Variants in ERC2 observed in about 807,000 individuals in gnomAD.
The protein encoded by ERC2 is ELKS/RAB6-interacting/CAST family member 2, also known as ERC protein 2.
A neutral mutation model predicts 114.8 loss-of-function variants in ERC2; 42 were observed. That is an observed-to-expected ratio of 0.37 (90% CI 0.29 to 0.47). ERC2 has a LOEUF of 0.47. Among genes scored for constraint, ERC2 ranks in the 20% least tolerant of loss-of-function variants. ERC2 has a pLI of 0.99. For missense variants in ERC2, 939 were observed against 1,150.7 expected, an observed-to-expected ratio of 0.82 and a Z score of 2.66; for synonymous variants, 454 against 425.5, an observed-to-expected ratio of 1.07 and a Z score of -0.82.
chr3:55,652,315 A>T (rs1405266673), intron 17 of ERC2, among the ~76,000 whole-genome samples: 3 of 152,192 alleles, frequency 2.0e-5, no homozygotes, highest in Admixed American at 1.3e-4. Context: ...TTAGTTGACT[A>T]TTGACTTTTG....
intron 14 of ERC2, among the ~76,000 whole-genome samples, chr3:55,833,039 A>G (rs1002288032): frequency 1.2e-4 from 18 of 146,692 alleles, no homozygotes; most frequent in African/African-American, 3.8e-4. Flanking sequence ...GAAATGAAGC[A>G]AGAAGGGAAG....
At chr3:56,431,973 C>T (rs1448893124) in intron 2 of ERC2, among the ~76,000 whole-genome samples, 1 of 152,172 alleles carries the variant, frequency 6.6e-6, no homozygotes, top group Non-Finnish European at 1.5e-5. Flanking sequence ...ACACTCCTGG[C>T]TTATGGCAAC....
At chr3:56,138,844 G>A (rs190181832) in intron 6 of ERC2, among the ~76,000 whole-genome samples, 2 of 152,318 alleles carry the variant, frequency 1.3e-5, no homozygotes, top group East Asian at 3.9e-4. Context: ...ATCCAAGGAG[G>A]AAAAGCAAGG....
intron 3 of ERC2, among the ~76,000 whole-genome samples, chr3:56,263,913 A>T (rs2053115265): frequency 6.6e-6 from 1 of 152,148 alleles, no homozygotes; most frequent in Non-Finnish European, 1.5e-5. Flanking sequence ...TCAATAAAAC[A>T]TGAGCATCCT....
intron 14 of ERC2, among the ~76,000 whole-genome samples, chr3:55,837,420 A>G (rs2060941340): frequency 6.6e-6 from 1 of 152,190 alleles, no homozygotes; most frequent in South Asian, 2.1e-4. Flanking sequence ...AATACTATGC[A>G]GCCATAAAAA....
chr3:56,401,093 T>G (rs1470307375), intron 2 of ERC2, among the ~76,000 whole-genome samples: 6 of 152,254 alleles, frequency 3.9e-5, no homozygotes, highest in Non-Finnish European at 1.5e-5. Context: ...TGTGAACTTT[T>G]CTAGCTCTAC....
chr3:55,514,281 C>T (rs887758065), intron 17 of ERC2, among the ~76,000 whole-genome samples: 1 of 152,028 alleles, frequency 6.6e-6, no homozygotes, highest in Admixed American at 6.6e-5. Flanking sequence ...CCTTTGGTAC[C>T]AGCTATTTGA....
At chr3:55,854,782 A>T (rs2061720137) in intron 14 of ERC2, among the ~76,000 whole-genome samples, 1 of 151,758 alleles carries the variant, frequency 6.6e-6, no homozygotes. Flanking sequence ...TCAGAAACAC[A>T]TTCACAATGG....
intron 10 of ERC2, among the ~76,000 whole-genome samples, chr3:55,999,879 T>C (rs192078320): frequency 6.6e-6 from 1 of 151,632 alleles, no homozygotes; most frequent in Admixed American, 6.6e-5. Flanking sequence ...GATCCTAAAA[T>C]TTACTTGGAA....
At chr3:55,570,496 G>A (rs955931620) in intron 17 of ERC2, among the ~76,000 whole-genome samples, 1 of 152,166 alleles carries the variant, frequency 6.6e-6, no homozygotes, top group Non-Finnish European at 1.5e-5. Context: ...GGGATGAGGT[G>A]AGTGCAGAGG....
chr3:56,170,601 T>TTTTTTG (rs2082599794), intron 4 of ERC2, among the ~76,000 whole-genome samples: 1 of 143,510 alleles, frequency 7.0e-6, no homozygotes, highest in Admixed American at 6.9e-5. Context: ...TTTTTTTTTT[T>TTTTTTG]TTTTTTTTTT....
chr3:55,808,757 CATATATAT>C (rs59418105), intron 14 of ERC2, among the ~76,000 whole-genome samples: 1 of 96,984 alleles, frequency 1.0e-5, no homozygotes, highest in Non-Finnish European at 2.1e-5. Context: ...TATAACTAAA[CATATATAT>C]ATATATATAT....
At chr3:55,769,127 G>T (rs1450402165) in intron 14 of ERC2, among the ~76,000 whole-genome samples, 1 of 152,138 alleles carries the variant, frequency 6.6e-6, no homozygotes, top group Non-Finnish European at 1.5e-5. Flanking sequence ...GGAGGCCTCC[G>T]AAGGCTCCAG....
intron 14 of ERC2, among the ~76,000 whole-genome samples, chr3:55,756,417 A>G (rs895717477): frequency 1.1e-4 from 16 of 152,182 alleles, no homozygotes; most frequent in African/African-American, 3.6e-4. Flanking sequence ...TCACTTTAAA[A>G]GGTGCAATGG....
chr3:55,890,381 T>C (rs2063546083), intron 13 of ERC2, among the ~76,000 whole-genome samples: 1 of 152,220 alleles, frequency 6.6e-6, no homozygotes, highest in Admixed American at 6.5e-5. Flanking sequence ...TTTTCTGTCA[T>C]AAATCGTTCT....
At chr3:56,170,295 A>C (rs1368131993) in intron 4 of ERC2, among the ~76,000 whole-genome samples, 1 of 152,190 alleles carries the variant, frequency 6.6e-6, no homozygotes, top group African/African-American at 2.4e-5. Flanking sequence ...AACTGCCCCC[A>C]GTTTGATGCA....
At chr3:55,990,859 A>G (rs900518770) in intron 11 of ERC2, among the ~76,000 whole-genome samples, 1 of 152,236 alleles carries the variant, frequency 6.6e-6, no homozygotes, top group African/African-American at 2.4e-5. Context: ...ATGAAAGGCT[A>G]AGGACAGATG....
intron 2 of ERC2, among the ~76,000 whole-genome samples, chr3:56,404,044 T>TCTTCATGGAA (rs1335379979): frequency 6.6e-6 from 1 of 152,216 alleles, no homozygotes; most frequent in Non-Finnish European, 1.5e-5. Flanking sequence ...CCTTGGGCCT[T>TCTTCATGGAA]CTTCATGGAA....
chr3:55,781,415 T>C (rs2069031071), intron 14 of ERC2, among the ~76,000 whole-genome samples: 1 of 152,090 alleles, frequency 6.6e-6, no homozygotes, highest in Non-Finnish European at 1.5e-5. Flanking sequence ...CTCCATATGA[T>C]CCTAATGGAA....
Sources: allele counts gnomAD v4.1 joint callset (sites outside exome capture counted in the v4.1 genomes callset), GRCh38; gene constraint gnomAD v4.1.1; transcripts MANE v1.5; gene names NCBI Gene and HGNC (gene_info 2026-07-23, HGNC 2026-07-21).